TAF1: variants seen among roughly 807,000 people sequenced by gnomAD.
The protein encoded by TAF1 is TATA-box binding protein associated factor 1, also known as transcription initiation factor TFIID subunit 1.
TAF1 carries 2 observed loss-of-function variants against 138.5 expected under a neutral mutation model. That is an observed-to-expected ratio of 0.01 (90% CI 0.01 to 0.05). The LOEUF is 0.05. Ranked by LOEUF, TAF1 falls within the 10% of genes least tolerant of loss-of-function variation. The pLI is 1.00. For synonymous variants in TAF1, 437 were observed against 503.2 expected, an observed-to-expected ratio of 0.87 and a Z score of 1.76; for missense variants, 709 against 1,478.0, an observed-to-expected ratio of 0.48 and a Z score of 8.53.
intron 13 of TAF1, among the ~76,000 whole-genome samples, chrX:71,524,019 CTTTTTTT>C (rs397895424): frequency 7.9e-5 from 6 of 76,359 alleles, no homozygotes; most frequent in African/African-American, 1.4e-4. Context: ...TGTAATAGTT[CTTTTTTT>C]TTTTTTTTTT....
At chrX:71,388,637 G>C (rs1378493989) in intron 16 of TAF1, 101 bp from the exon 17 acceptor site, 15 of 1,095,254 alleles carry the variant, frequency 1.4e-5, no homozygotes, top group East Asian at 6.0e-5. Flanking sequence ...CTGTGGCTAG[G>C]CCTGTTACAG....
At chrX:71,396,276 C>A (rs1364563631) in intron 22 of TAF1, among the ~76,000 whole-genome samples, 1 of 107,411 alleles carries the variant, frequency 9.3e-6, no homozygotes, top group South Asian at 4.0e-4. Flanking sequence ...TTTTCCCCCC[C>A]GAGTTGCGTG....
intron 5 of TAF1, 104 bp from the exon 6 acceptor site, chrX:71,377,499 C>T: frequency 1.0e-6 from 1 of 964,823 alleles, no homozygotes; most frequent in Non-Finnish European, 1.4e-6. Flanking sequence ...TTTGTTTCTC[C>T]CCCACATTTG....
intron 32 of TAF1, among the ~76,000 whole-genome samples, chrX:71,451,965 A>G (rs1281161022): frequency 8.9e-6 from 1 of 112,651 alleles, no homozygotes. Context: ...CATTGTCATC[A>G]TGGCCCGTTC....
intron 32 of TAF1, among the ~76,000 whole-genome samples, chrX:71,448,935 C>T (rs1003106135): frequency 1.8e-5 from 2 of 109,728 alleles, no homozygotes; most frequent in African/African-American, 3.3e-5. Context: ...TCTCCTGCCT[C>T]AGCCTCCCGA....
intron 17 of TAF1, among the ~76,000 whole-genome samples, chrX:71,389,097 AG>A (rs1442987996): frequency 8.9e-6 from 1 of 111,857 alleles, no homozygotes; most frequent in Non-Finnish European, 1.9e-5. Flanking sequence ...AGGCATAATG[AG>A]GAACTTTGGG....
At chrX:71,407,256 T>C in intron 26 of TAF1, among the ~76,000 whole-genome samples, 1 of 96,397 alleles carries the variant, frequency 1.0e-5, no homozygotes, top group African/African-American at 3.9e-5. Flanking sequence ...CTCGCTCTGT[T>C]ACCCAGGCTG....
intron 13 of TAF1, among the ~76,000 whole-genome samples, chrX:71,514,211 C>T (rs928895706): frequency 1.8e-5 from 2 of 110,682 alleles, no homozygotes; most frequent in African/African-American, 3.3e-5. Flanking sequence ...TTCTAGCTAC[C>T]CGGGAAGCTG....
chrX:71,434,977 T>G (rs1024049013), intron 32 of TAF1, among the ~76,000 whole-genome samples: 4 of 112,685 alleles, frequency 3.5e-5, no homozygotes, highest in African/African-American at 1.3e-4. Context: ...TGTGGCTATA[T>G]CACCCTAAAT....
At chrX:71,410,752 C>A (rs957512257) in intron 28 of TAF1, among the ~76,000 whole-genome samples, 6 of 109,605 alleles carry the variant, frequency 5.5e-5, no homozygotes, top group African/African-American at 2.0e-4. Flanking sequence ...ACACTGCACC[C>A]GGCCTTTTAG....
chrX:71,526,100 G>A (rs2039994398), intron 13 of TAF1, among the ~76,000 whole-genome samples: 2 of 111,737 alleles, frequency 1.8e-5, no homozygotes, highest in South Asian at 7.3e-4. Context: ...CTACATTAAA[G>A]AAAAATATAA....
chrX:71,442,517 A>AT (rs1425013526), intron 32 of TAF1, among the ~76,000 whole-genome samples: 10 of 110,852 alleles, frequency 9.0e-5, no homozygotes, highest in Non-Finnish European at 1.5e-4. Context: ...GGGTTGTTTG[A>AT]TTTTTTCTTG....
chrX:71,381,076 G>A (rs1304903543), intron 8 of TAF1, among the ~76,000 whole-genome samples: 9 of 111,668 alleles, frequency 8.1e-5, no homozygotes, highest in Non-Finnish European at 1.3e-4. Context: ...TTACTATTAC[G>A]AATGTTTCAT....
intron 14 of TAF1, among the ~76,000 whole-genome samples, chrX:71,385,673 C>CTGT (rs930217397): frequency 1.8e-5 from 2 of 111,495 alleles, no homozygotes; most frequent in Admixed American, 9.6e-5. Flanking sequence ...GTTTATTCTA[C>CTGT]TGTTGTTGTT....
intron 22 of TAF1, 75 bp from the exon 23 acceptor site, chrX:71,397,178 T>A: frequency 9.4e-7 from 1 of 1,059,658 alleles, no homozygotes; most frequent in Non-Finnish European, 1.3e-6. Flanking sequence ...CTTTGATAGC[T>A]CCACTCAATC....
intron 18 of TAF1, among the ~76,000 whole-genome samples, chrX:71,391,069 C>T (rs760513363): frequency 1.9e-4 from 21 of 110,552 alleles, no homozygotes; most frequent in African/African-American, 6.2e-4. Flanking sequence ...TAGGCTCAAA[C>T]GATCGTCCTG....
intron 13 of TAF1, chrX:71,491,006 C>T (rs1189849050): frequency 9.3e-6 from 1 of 107,514 alleles, no homozygotes; most frequent in Non-Finnish European, 1.9e-5. Context: ...CGTGAGCCAC[C>T]AAGCTGGGTT....
At position 71,367,937 on chromosome X, in the gene TAF1, C is replaced by T. The variant is rs28382154; in HGVS notation, c.236-117C>T. On this transcript the variant is annotated intron_variant, in intron 2 of 37. Transcript: ENST00000423759. Reference sequence around the variant, plus strand: ...CCGTCTGGCTTGGCCTTCCAAAGTGCTGGGATTACAGGCGTGAGCCACCGC... The same window carrying T: ...CCGTCTGGCTTGGCCTTCCAAAGTGTTGGGATTACAGGCGTGAGCCACCGC... 2.3e-3 allele frequency: 1,824 copies of T among 808,415 alleles called. 34 individuals are homozygous for T. In the East Asian group the frequency reaches 0.054, roughly 24 times the overall value. 66.6% of individuals were successfully genotyped at this position (808,415 alleles called of 1,213,427 possible).
At chrX:71,433,302 C>T (rs1459803302) in intron 32 of TAF1, among the ~76,000 whole-genome samples, 1 of 111,869 alleles carries the variant, frequency 8.9e-6, no homozygotes, top group Non-Finnish European at 1.9e-5. Flanking sequence ...AATAAGGTAA[C>T]TCACTATGAT....
Sources: allele counts gnomAD v4.1 joint callset (sites outside exome capture counted in the v4.1 genomes callset), GRCh38; gene constraint gnomAD v4.1.1; transcripts MANE v1.5; gene names NCBI Gene and HGNC (gene_info 2026-07-23, HGNC 2026-07-21).